The following PKP4 variants were observed in gnomAD, a reference collection of about 807,000 sequenced individuals.
The protein encoded by PKP4 is plakophilin 4, also known as plakophilin-4.
In PKP4, 90 loss-of-function variants were observed where a neutral mutation model predicts 145.1. That is an observed-to-expected ratio of 0.62 (90% CI 0.52 to 0.74). The LOEUF (loss-of-function observed/expected upper bound fraction) is 0.74. Ranked by LOEUF, PKP4 falls within the 30% of genes least tolerant of loss-of-function variation. The pLI, the probability that PKP4 is intolerant of heterozygous loss-of-function variation, is 0.00. For synonymous variants in PKP4, 563 were observed against 577.2 expected, an observed-to-expected ratio of 0.98 and a Z score of 0.35; for missense variants, 1,340 against 1,482.7, an observed-to-expected ratio of 0.90 and a Z score of 1.58.
At chr2:158,491,278 A>G (rs1559216394) in intron 1 of PKP4, among the ~76,000 whole-genome samples, 1 of 152,184 alleles carries the variant, frequency 6.6e-6, no homozygotes. Context: ...GCCTAGCACC[A>G]GAATTGCTGC....
At chr2:158,522,288 G>A (rs1346956074) in intron 1 of PKP4, among the ~76,000 whole-genome samples, 1 of 152,156 alleles carries the variant, frequency 6.6e-6, no homozygotes, top group African/African-American at 2.4e-5. Flanking sequence ...TCTGGTAAAA[G>A]AGATTACATA....
rs563554523 is a variant in PKP4, at chr2:158,658,170, T to C, written c.1949T>C (p.Met650Thr). ...TTATCCTCATGTGATGCTGTAAAAA[T>C]GACAATCATTCGAGATGCTCTCTCA... ...WNLSSCDAVK[M>T]TIIRDALSTL... Residue 650 changes from methionine (M) to threonine (T), a missense_variant, in exon 12 of 22, where the codon ATG becomes ACG. Coordinates refer to ENST00000389759, the MANE Select transcript of PKP4 (RefSeq NM_003628.6). 6.2e-7 allele frequency: 1 copy of C among 1,607,826 alleles called. No individual in the cohort carries two copies. Among genetic ancestry groups the C allele is most frequent in the South Asian group, 1.1e-5 (1 of 90,352 alleles).
chr2:158,458,542 TC>T (rs1385775193), intron 1 of PKP4, among the ~76,000 whole-genome samples: 1 of 152,196 alleles, frequency 6.6e-6, no homozygotes, highest in Non-Finnish European at 1.5e-5. Context: ...ACTAGGGTTT[TC>T]TGAAAACCAG....
At chr2:158,481,332 T>C (rs866920400) in intron 1 of PKP4, among the ~76,000 whole-genome samples, 6 of 152,350 alleles carry the variant, frequency 3.9e-5, no homozygotes, top group Middle Eastern at 3.4e-3. Flanking sequence ...TTGGCTGTTA[T>C]GAATCATGAT....
chr2:158,573,503 T>C (rs2047582492), intron 2 of PKP4, among the ~76,000 whole-genome samples: 2 of 152,206 alleles, frequency 1.3e-5, no homozygotes, highest in Non-Finnish European at 2.9e-5. Context: ...ATAAAACATC[T>C]GAAGCAAATG....
intron 2 of PKP4, among the ~76,000 whole-genome samples, chr2:158,557,474 A>G (rs1031461552): frequency 6.6e-6 from 1 of 152,326 alleles, no homozygotes. Flanking sequence ...GACTAAAGTC[A>G]TCCTAGCAGC....
intron 1 of PKP4, among the ~76,000 whole-genome samples, chr2:158,521,951 C>A (rs2042416154): frequency 6.6e-6 from 1 of 152,002 alleles, no homozygotes; most frequent in African/African-American, 2.4e-5. Flanking sequence ...TTCACGCTTT[C>A]TTTAACCTTT....
chr2:158,508,852 GGT>G (rs925944835), intron 1 of PKP4, among the ~76,000 whole-genome samples: 7 of 152,000 alleles, frequency 4.6e-5, no homozygotes, highest in Non-Finnish European at 7.4e-5. Flanking sequence ...GAGGTTCTGG[GGT>G]GACTGTGGAA....
chr2:158,615,817 C>T (rs545774806), intron 4 of PKP4, among the ~76,000 whole-genome samples: 100 of 152,270 alleles, frequency 6.6e-4, no homozygotes, highest in African/African-American at 2.2e-3. Flanking sequence ...GAAGATACTT[C>T]GTTAATGGTT....
At chr2:158,648,012 A>G (rs950309888) in intron 11 of PKP4, among the ~76,000 whole-genome samples, 5 of 152,234 alleles carry the variant, frequency 3.3e-5, no homozygotes, top group Non-Finnish European at 7.3e-5. Context: ...TTTTAAAACT[A>G]TAGACATTGA....
intron 4 of PKP4, among the ~76,000 whole-genome samples, chr2:158,607,147 T>C (rs954690674): frequency 6.6e-6 from 1 of 152,178 alleles, no homozygotes; most frequent in Non-Finnish European, 1.5e-5. Context: ...TCCTGAAAGA[T>C]TGTATTAATT....
chr2:158,553,109 G>A lies in PKP4; in HGVS notation c.132+19793G>A, dbSNP rs564344958. 1.1e-4 allele frequency among the ~76,000 whole-genome samples: 17 copies of A among 152,286 alleles called. No individual in the cohort carries two copies. The East Asian group carries it at 3.1e-3, about 28-fold the overall frequency. Reference sequence around the variant, plus strand: ...GAGATTTCCAAGCAGAGCGTAGAAGGTACAGCCTGGTTTCTTCTTGCTGCT... The same window carrying A: ...GAGATTTCCAAGCAGAGCGTAGAAGATACAGCCTGGTTTCTTCTTGCTGCT... On this transcript the variant is annotated intron_variant, in intron 2 of 21. Transcript: ENST00000389759.
intron 2 of PKP4, among the ~76,000 whole-genome samples, chr2:158,549,995 G>A (rs916728810): frequency 3.3e-5 from 5 of 152,154 alleles, no homozygotes; most frequent in African/African-American, 4.8e-5. Context: ...TGTCGCTAAT[G>A]GGAGTAGTAT....
intron 1 of PKP4, among the ~76,000 whole-genome samples, chr2:158,519,563 C>G (rs1459914001): frequency 1.3e-5 from 2 of 152,190 alleles, no homozygotes; most frequent in Non-Finnish European, 2.9e-5. Context: ...ATACTCTGAA[C>G]CTCGAGCTCT....
At chr2:158,533,338 TG>T in intron 2 of PKP4, 22 bp downstream of exon 2, 1 of 1,613,436 alleles carries the variant, frequency 6.2e-7, no homozygotes, top group Non-Finnish European at 8.5e-7. Flanking sequence ...TATTGAAAGT[TG>T]CAGTGAATTA....
chr2:158,663,841 G>A (rs2056838046), intron 15 of PKP4, among the ~76,000 whole-genome samples: 1 of 152,230 alleles, frequency 6.6e-6, no homozygotes. Flanking sequence ...CAGAATCTCT[G>A]AAGATGAGTG....
intron 1 of PKP4, among the ~76,000 whole-genome samples, chr2:158,473,433 A>T (rs895072530): frequency 6.6e-6 from 1 of 152,220 alleles, no homozygotes; most frequent in African/African-American, 2.4e-5. Context: ...GGCAGATTGG[A>T]TAAAGAAAAT....
At chr2:158,489,733 T>A (rs1476871976) in intron 1 of PKP4, among the ~76,000 whole-genome samples, 1 of 152,276 alleles carries the variant, frequency 6.6e-6, no homozygotes, top group Non-Finnish European at 1.5e-5. Flanking sequence ...TACAAAATGT[T>A]CTTTCCTTTT....
intron 1 of PKP4, among the ~76,000 whole-genome samples, chr2:158,466,838 C>T (rs1690701170): frequency 6.6e-6 from 1 of 152,176 alleles, no homozygotes. Flanking sequence ...ACCAATCAAG[C>T]ACCAAGACTA....
Sources: allele counts gnomAD v4.1 joint callset (sites outside exome capture counted in the v4.1 genomes callset), GRCh38; gene constraint gnomAD v4.1.1; transcripts MANE v1.5; gene names NCBI Gene and HGNC (gene_info 2026-07-23, HGNC 2026-07-21).